Variants in KIF21A observed in about 807,000 individuals in gnomAD.
KIF21A encodes kinesin family member 21A.
In KIF21A, 114 loss-of-function variants were observed where a neutral mutation model predicts 202.9. The observed-to-expected ratio is 0.56, with a 90% CI of 0.48 to 0.66. The LOEUF is 0.66. Among genes scored for constraint, KIF21A ranks in the 30% least tolerant of loss-of-function variants. The probability of loss-of-function intolerance (pLI) is 0.00; values close to 1 mark genes in which losing one functional copy is unlikely to be tolerated. For missense variants in KIF21A, 1,677 were observed against 1,994.9 expected, an observed-to-expected ratio of 0.84 and a Z score of 3.04; for synonymous variants, 667 against 670.8, an observed-to-expected ratio of 0.99 and a Z score of 0.09.
At chr12:39,430,106 T>C (rs1937649088) in intron 1 of KIF21A, among the ~76,000 whole-genome samples, 1 of 151,930 alleles carries the variant, frequency 6.6e-6, no homozygotes, top group South Asian at 2.1e-4. Flanking sequence ...TCCCAGCACT[T>C]TGGGAAACTG....
intron 1 of KIF21A, among the ~76,000 whole-genome samples, chr12:39,423,983 C>CAAAAAAA (rs35526386): frequency 3.9e-5 from 1 of 25,670 alleles, no homozygotes; most frequent in African/African-American, 9.7e-5. Flanking sequence ...GACTCTGTCT[C>CAAAAAAA]AAAAAAAAAA....
Position 39,333,044 on chromosome 12 carries a change from T to C in KIF21A, c.2551A>G (p.Lys851Glu). The stretch of plus-strand genomic sequence containing the variant: ...GCAGGTGCATCAGATGAACTCAGCT[T>C]CCGAGTAACTTTCCCAGCCACTTTA... ...SDKVAGKVTR[K>E]LSSSDAPAQD... The change falls in exon 19 of 38, where the codon AAG (lysine) becomes GAG (glutamate). Residue 851 changes from lysine (K) to glutamate (E), a missense_variant. Lys to Glu is a moderately conservative substitution (Grantham distance 56). Coordinates refer to ENST00000361418, the MANE Select transcript of KIF21A (RefSeq NM_001173464.2). 1 of 1,614,092 alleles carries C rather than the reference T, an allele frequency of 6.2e-7. No homozygotes were observed. Among genetic ancestry groups the C allele is most frequent in the South Asian group, 1.1e-5 (1 of 91,088 alleles).
intron 1 of KIF21A, among the ~76,000 whole-genome samples, chr12:39,396,687 C>T (rs143347514): frequency 6.6e-6 from 1 of 152,166 alleles, no homozygotes; most frequent in African/African-American, 2.4e-5. Flanking sequence ...CCAGGAGAGA[C>T]GAAGTAATTT....
Position 39,342,084 on chromosome 12 carries a change from T to C in KIF21A, c.1753A>G (p.Lys585Glu), listed in dbSNP as rs2138415603. Residue 585 changes from lysine (K) to glutamate (E), a missense_variant, in exon 13 of 38, where the codon AAG (lysine) becomes GAG (glutamate). Coordinates refer to ENST00000361418, the MANE Select transcript of KIF21A (RefSeq NM_001173464.2). ...TCCGAAACACCCTTTTCTTCTTTCTTCTCTTGGTCAGTGTCTGTATTATCC... is the reference window on the plus strand; with the variant it reads ...TCCGAAACACCCTTTTCTTCTTTCTCCTCTTGGTCAGTGTCTGTATTATCC... ...KEDNTDTDQEKKEEKGVSERE... is the reference protein window; with the variant it reads ...KEDNTDTDQEEKEEKGVSERE... The C allele has an allele frequency of 1.2e-6, 2 of 1,612,060 alleles. No individual in the cohort carries two copies. Among genetic ancestry groups the C allele is most frequent in the East Asian group, 2.2e-5 (1 of 44,814 alleles).
chr12:39,416,631 G>A lies in KIF21A; in HGVS notation c.44+26296C>T, dbSNP rs1246684728. ...TATATATATATGTACATATATATGT[G>A]TATATATATATATGTACATATATAT... On this transcript the variant is annotated intron_variant, in intron 1 of 37. Transcript: ENST00000361418. 9.6e-5 allele frequency among the ~76,000 whole-genome samples: 11 copies of A among 114,940 alleles called. 1 individual carries two copies. The highest frequency in any genetic ancestry group is 1.6e-4 in the Non-Finnish European group (9 of 56,446). 75.4% of individuals were successfully genotyped at this position (114,940 alleles called of 152,430 possible).
At chr12:39,343,486 T>C (rs1947626677) in intron 12 of KIF21A, among the ~76,000 whole-genome samples, 1 of 152,190 alleles carries the variant, frequency 6.6e-6, no homozygotes, top group Non-Finnish European at 1.5e-5. Flanking sequence ...CAGAATAGCT[T>C]AATAACAGCT....
In KIF21A at chr12:39,357,303, C is replaced by G; in HGVS notation, c.1350G>C (p.Arg450Ser). 6.2e-7 allele frequency: 1 copy of G among 1,614,122 alleles called. No individual in the cohort carries two copies. The highest frequency in any genetic ancestry group is 8.5e-7 in the Non-Finnish European group (1 of 1,179,994). Reference protein sequence around the residue: ...KAMQETVDALRSRITQLVSDQ... With the variant: ...KAMQETVDALSSRITQLVSDQ... ...CACTAACAAGCTGTGTAATTCTGGA[C>G]CTCAATGCATCAACCGTCTCTTGCA... Residue 450 changes from arginine to serine, a missense_variant, in exon 9 of 38, where the codon AGG becomes AGC. This residue lies in a region of KIF21A where 966 missense variants were observed against 1,180.9 expected (regional missense o/e 0.82). Transcript: ENST00000361418.
At chr12:39,375,038 C>T (rs1430221222) in intron 1 of KIF21A, among the ~76,000 whole-genome samples, 1 of 152,050 alleles carries the variant, frequency 6.6e-6, no homozygotes, top group Non-Finnish European at 1.5e-5. Context: ...TTATCATGGG[C>T]TCATTGCTGT....
At position 39,345,834 on chromosome 12, in the gene KIF21A, C is replaced by T. The variant is rs548218009; in HGVS notation, c.1712+632G>A. On this transcript the variant is annotated intron_variant, in intron 12 of 37. Coordinates refer to ENST00000361418, the MANE Select transcript of KIF21A (RefSeq NM_001173464.2). ...CAAGAATATTATTCTAAATTTTGCT[C>T]GTTTCAAATGAAAAAAAAGCAACTA... Among the ~76,000 whole-genome samples the T allele has an allele frequency of 9.2e-5, 14 of 151,874 alleles. 1 individual carries two copies. The highest frequency in any genetic ancestry group is 2.9e-4 in the African/African-American group (12 of 41,476).
intron 16 of KIF21A, among the ~76,000 whole-genome samples, chr12:39,339,620 T>G (rs1947281960): frequency 6.6e-6 from 1 of 152,222 alleles, no homozygotes; most frequent in South Asian, 2.1e-4. Context: ...TCATGAAAGA[T>G]GTAAAGAATA....
rs1336224345 is a variant in KIF21A, at chr12:39,294,381, G to C, written c.*43C>G. 1 of 1,388,008 alleles carries C rather than the reference G, an allele frequency of 7.2e-7. No individual in the cohort carries two copies. The highest frequency in any genetic ancestry group is 1.2e-5 in the South Asian group (1 of 86,424). 86.0% of individuals were successfully genotyped at this position (1,388,008 alleles called of 1,614,324 possible). A position where few individuals can be genotyped will look rare whatever the true frequency, so the allele number is the denominator to read the frequency against. ...CAACATTTTCCATAAAGAATACAGAGTATTATCACAGCATTCAGTTTACAA... is the reference window on the plus strand; with the variant it reads ...CAACATTTTCCATAAAGAATACAGACTATTATCACAGCATTCAGTTTACAA... On this transcript the variant is annotated 3_prime_UTR_variant, in exon 38 of 38. Coordinates refer to ENST00000361418, the MANE Select transcript of KIF21A (RefSeq NM_001173464.2).
At chr12:39,352,008 G>A in intron 10 of KIF21A, 28 bp from the exon 11 acceptor site, 1 of 1,514,846 alleles carries the variant, frequency 6.6e-7, no homozygotes, top group South Asian at 1.1e-5. Context: ...ATTTAAATAG[G>A]GAGCATTTTT....
intron 1 of KIF21A, among the ~76,000 whole-genome samples, chr12:39,392,210 C>T (rs946752853): frequency 6.6e-6 from 1 of 152,130 alleles, no homozygotes; most frequent in African/African-American, 2.4e-5. Context: ...ATTAACAGAG[C>T]TTAGAAAAAG....
intron 1 of KIF21A, among the ~76,000 whole-genome samples, chr12:39,437,473 C>G (rs1938973155): frequency 6.6e-6 from 1 of 152,158 alleles, no homozygotes; most frequent in Admixed American, 6.5e-5. Flanking sequence ...ATTTCCATTA[C>G]TCCTCATCCA....
intron 1 of KIF21A, among the ~76,000 whole-genome samples, chr12:39,436,851 T>C (rs1330897512): frequency 1.3e-5 from 2 of 152,256 alleles, no homozygotes; most frequent in East Asian, 3.9e-4. Flanking sequence ...ACAAATCCCC[T>C]TTCCAAAGAG....
In KIF21A at chr12:39,307,648, C is replaced by T; in HGVS notation, c.4359G>A (p.Gln1453=). 6.2e-7 allele frequency: 1 copy of T among 1,614,048 alleles called. No individual in the cohort carries two copies. Among genetic ancestry groups the T allele is most frequent in the Non-Finnish European group, 8.5e-7 (1 of 1,179,926 alleles). ...RTVAIPSGEN[Q]INQIALNPTG... ...TTGGGTTTAGGGCAATTTGATTGAT[C>T]TGGTTCTCTCCAGAAGGAATAGCTA... Residue 1453 remains glutamine, a synonymous_variant, in exon 34 of 38, where the codon CAG becomes CAA. Transcript: ENST00000361418.
chr12:39,352,037 AT>A, intron 10 of KIF21A, 57 bp from the exon 11 acceptor site: 1 of 1,227,370 alleles, frequency 8.1e-7, no homozygotes, highest in East Asian at 2.3e-5. Flanking sequence ...ATAAAAATAC[AT>A]AACATAAAGT....
At chr12:39,374,775 T>A (rs77299873) in intron 1 of KIF21A, among the ~76,000 whole-genome samples, 1 of 152,196 alleles carries the variant, frequency 6.6e-6, no homozygotes, top group Non-Finnish European at 1.5e-5. Flanking sequence ...TACATGTCTG[T>A]TTTCTAATCT....
Position 39,301,487 on chromosome 12 carries a change from C to T in KIF21A, c.4924G>A (p.Ala1642Thr). 6.2e-7 allele frequency: 1 copy of T among 1,613,078 alleles called. No individual in the cohort carries two copies. The highest frequency in any genetic ancestry group is 8.5e-7 in the Non-Finnish European group (1 of 1,179,092). The change falls in exon 37 of 38, where the codon GCA (alanine) becomes ACA (threonine). Residue 1642 changes from alanine to threonine, a missense_variant. Physicochemically the swap from Ala to Thr is moderately conservative, Grantham distance 58 (BLOSUM62 0). Coordinates refer to ENST00000361418, the MANE Select transcript of KIF21A (RefSeq NM_001173464.2). Reference protein sequence around the residue: ...ICVNSTHIFTAADDRTVRIWK... With the variant: ...ICVNSTHIFTTADDRTVRIWK... Reference sequence around the variant, plus strand: ...TCATATAAGAAAACTTACTCAGCTGCAGTAAAAATGTGGGTGGAATTAACA... The same window carrying T: ...TCATATAAGAAAACTTACTCAGCTGTAGTAAAAATGTGGGTGGAATTAACA...
Sources: gnomAD v4.1 joint callset for allele counts (sites outside exome capture counted in the v4.1 genomes callset) on GRCh38, gnomAD v4.1.1 for gene constraint, gnomAD v4.1.1 regional missense constraint, MANE v1.5 for transcripts, NCBI Gene and HGNC (gene_info 2026-07-23, HGNC 2026-07-21) for gene names.